Variants in SCYL2 observed in about 807,000 individuals in gnomAD.
SCYL2 encodes SCY1-like protein 2.
A neutral mutation model predicts 100.4 loss-of-function variants in SCYL2; 36 were observed. The ratio of observed to expected loss-of-function variants is 0.36; its 90% confidence interval spans 0.27 to 0.47. The LOEUF (loss-of-function observed/expected upper bound fraction) is 0.47, where lower values mean the gene tolerates loss of function less well. Among genes scored for constraint, SCYL2 ranks in the 20% least tolerant of loss-of-function variants. The pLI is 1.00. For missense variants in SCYL2, 902 were observed against 1,083.9 expected (o/e 0.83, Z 2.36); for synonymous variants, 330 against 359.2 (o/e 0.92, Z 0.92).
chr12:100,317,054 C>G (rs1364363524), intron 9 of SCYL2, among the ~76,000 whole-genome samples: 1 of 151,832 alleles, frequency 6.6e-6, no homozygotes, highest in African/African-American at 2.4e-5. Flanking sequence ...TATGATCGCG[C>G]CACTGCGCTC....
intron 17 of SCYL2, among the ~76,000 whole-genome samples, chr12:100,338,210 T>C (rs1952304187): frequency 6.6e-6 from 1 of 152,214 alleles, no homozygotes; most frequent in South Asian, 2.1e-4. Context: ...ATACAAATAA[T>C]AGTAAAAAAT....
At chr12:100,333,159 A>G (rs957384483) in intron 13 of SCYL2, among the ~76,000 whole-genome samples, 1 of 152,110 alleles carries the variant, frequency 6.6e-6, no homozygotes, top group Non-Finnish European at 1.5e-5. Context: ...AGGAACCCTA[A>G]TCAGTGGAAA....
chr12:100,270,960 C>T (rs1046105056), intron 1 of SCYL2, among the ~76,000 whole-genome samples: 3 of 151,494 alleles, frequency 2.0e-5, no homozygotes, highest in Non-Finnish European at 2.9e-5. Context: ...TTTTTATGTT[C>T]GTTTTTAAAA....
chr12:100,274,850 T>C (rs953080704), intron 1 of SCYL2, among the ~76,000 whole-genome samples: 1 of 152,240 alleles, frequency 6.6e-6, no homozygotes, highest in Non-Finnish European at 1.5e-5. Context: ...GTTTGTGCCA[T>C]AGACCCTTTT....
intron 3 of SCYL2, among the ~76,000 whole-genome samples, chr12:100,296,339 A>T (rs1285340915): frequency 6.6e-6 from 1 of 152,228 alleles, no homozygotes; most frequent in African/African-American, 2.4e-5. Flanking sequence ...AATTCAGATG[A>T]CAGTCCAGAG....
chr12:100,308,778 G>A (rs1416172222), intron 4 of SCYL2, among the ~76,000 whole-genome samples: 1 of 152,144 alleles, frequency 6.6e-6, no homozygotes, highest in Non-Finnish European at 1.5e-5. Context: ...TGACCTCTGT[G>A]ATGGGTGATT....
In SCYL2 at chr12:100,339,360, A is replaced by G; in HGVS notation, c.*188A>G. The G allele has an allele frequency of 5.1e-6, 3 of 583,548 alleles. No homozygotes were observed. The Admixed American group carries it at 1.1e-4, about 21-fold the overall frequency. 36.1% of individuals were successfully genotyped at this position (583,548 alleles called of 1,614,324 possible). On this transcript the variant is annotated 3_prime_UTR_variant, in exon 18 of 18. Transcript: ENST00000360820. ...TCTAACCAGTTGAGTTTTTTAAAGCATTGAGGATTTTTTCCTCTTACCAAC... is the reference window on the plus strand; with the variant it reads ...TCTAACCAGTTGAGTTTTTTAAAGCGTTGAGGATTTTTTCCTCTTACCAAC...
Position 100,338,645 on chromosome 12 carries a change from G to A in SCYL2, c.2263G>A (p.Gly755Ser). 1 of 1,613,850 alleles carries A rather than the reference G, an allele frequency of 6.2e-7. No individual in the cohort carries two copies. Among genetic ancestry groups the A allele is most frequent in the South Asian group, 1.1e-5 (1 of 91,074 alleles). The change falls in exon 18 of 18, where the codon GGT becomes AGT. Residue 755 changes from glycine to serine, a missense_variant. By Grantham distance (56) the Gly-to-Ser change is moderately conservative. Transcript: ENST00000360820. ...TFTSVPSMGI[G>S]MMFSTPTDNT... ...CACTTCTGTTCCTTCCATGGGCATTGGTATGATGTTTTCTACACCAACTGA... is the reference window on the plus strand; with the variant it reads ...CACTTCTGTTCCTTCCATGGGCATTAGTATGATGTTTTCTACACCAACTGA...
At position 100,317,942 on chromosome 12, in the gene SCYL2, G is replaced by A; in HGVS notation, c.1395+17G>A. ...CAGATCCAGGTACAGTATCTGATTT[G>A]TTTTTCTTTAATGATGATTTTGATT... On this transcript the variant is annotated intron_variant, in intron 10 of 17. Coordinates refer to ENST00000360820, the MANE Select transcript of SCYL2 (RefSeq NM_017988.6). 6.5e-7 allele frequency: 1 copy of A among 1,527,906 alleles called. No homozygotes were observed. Among genetic ancestry groups the A allele is most frequent in the Non-Finnish European group, 8.7e-7 (1 of 1,145,750 alleles). The allele number at this position is 1,527,906 out of a possible 1,614,324, so 94.6% of individuals were successfully genotyped here.
At position 100,267,639 on chromosome 12, in the gene SCYL2, G is replaced by T. The variant is rs947191956; in HGVS notation, c.-182G>T. Reference sequence around the variant, plus strand: ...AGCTCCGGGGAGCGGATCCGAGAGGGCCGAGTCCTCGAAAGAGGCCTTGAG... The same window carrying T: ...AGCTCCGGGGAGCGGATCCGAGAGGTCCGAGTCCTCGAAAGAGGCCTTGAG... On this transcript the variant is annotated 5_prime_UTR_variant, in exon 1 of 18. Coordinates refer to ENST00000360820, the MANE Select transcript of SCYL2 (RefSeq NM_017988.6). The T allele has an allele frequency of 6.6e-6, 1 of 152,332 alleles. No homozygotes were observed. The highest frequency in any genetic ancestry group is 1.9e-4 in the East Asian group (1 of 5,176). The allele number at this position is 152,332 out of a possible 1,614,324, so 9.4% of individuals were successfully genotyped here.
intron 1 of SCYL2, among the ~76,000 whole-genome samples, chr12:100,279,097 T>C (rs1210949541): frequency 1.3e-5 from 2 of 152,236 alleles, no homozygotes; most frequent in East Asian, 1.9e-4. Flanking sequence ...GAGCTTTGTA[T>C]AGCAGCAGTC....
rs2135905451 is a variant in SCYL2, at chr12:100,314,540, T to G, written c.1021T>G (p.Leu341Val). The change falls in exon 8 of 18, where the codon TTA (leucine) becomes GTA (valine). Residue 341 changes from leucine (L) to valine (V), a missense_variant. Physicochemically the swap from Leu to Val is conservative, Grantham distance 32. Transcript: ENST00000360820. ...AGTAACACTGCAATATTTTGATACC[T>G]TATTCCAAAGAGATAATCTTCAGAA... ...GAVTLQYFDTLFQRDNLQKSQ... is the reference protein window; with the variant it reads ...GAVTLQYFDTVFQRDNLQKSQ... 3 of 1,597,594 alleles carry G rather than the reference T, an allele frequency of 1.9e-6. No homozygotes were observed. The highest frequency in any genetic ancestry group is 1.8e-5 in the Admixed American group (1 of 56,676).
intron 3 of SCYL2, among the ~76,000 whole-genome samples, chr12:100,295,959 G>A (rs1669714047): frequency 6.6e-6 from 1 of 152,200 alleles, no homozygotes; most frequent in African/African-American, 2.4e-5. Context: ...CCAGGCCAGG[G>A]CCGACACCTG....
chr12:100,291,615 G>A lies in SCYL2; in HGVS notation c.290G>A (p.Arg97Gln). The A allele has an allele frequency of 6.3e-7, 1 of 1,598,832 alleles. No homozygotes were observed. Among genetic ancestry groups the A allele is most frequent in the South Asian group, 1.2e-5 (1 of 85,672 alleles). Residue 97 changes from arginine to glutamine, a missense_variant, in exon 3 of 18, where the codon CGA becomes CAA. Transcript: ENST00000360820. ...GGAGTCCAACAGTTAACTCGGCTTC[G>A]ACACCCTCGACTTCTTACTGTCCAG... is the stretch of plus-strand genomic sequence containing the variant. ...KRGVQQLTRL[R>Q]HPRLLTVQHP...
intron 4 of SCYL2, among the ~76,000 whole-genome samples, chr12:100,300,242 TA>T (rs1475979453): frequency 6.6e-6 from 1 of 152,252 alleles, no homozygotes; most frequent in Non-Finnish European, 1.5e-5. Context: ...ACACAGTACA[TA>T]ATTTGCATAA....
At chr12:100,278,722 C>T (rs1051208216) in intron 1 of SCYL2, among the ~76,000 whole-genome samples, 5 of 150,450 alleles carry the variant, frequency 3.3e-5, no homozygotes, top group Non-Finnish European at 7.4e-5. Context: ...CTTCACCTCC[C>T]GGGTTCAAGC....
At chr12:100,312,064 T>C (rs1343165607) in intron 5 of SCYL2, among the ~76,000 whole-genome samples, 1 of 152,226 alleles carries the variant, frequency 6.6e-6, no homozygotes, top group Non-Finnish European at 1.5e-5. Flanking sequence ...TTTTGAACTT[T>C]TTAACTAAAT....
Position 100,326,992 on chromosome 12 carries a change from G to A in SCYL2, c.1642+238G>A, listed in dbSNP as rs544835404. ...TTTACGAATATCATGATAGCATGTAGTTTTCCCCATAAAATGGTACAAAGT... is the reference window on the plus strand; with the variant it reads ...TTTACGAATATCATGATAGCATGTAATTTTCCCCATAAAATGGTACAAAGT... On this transcript the variant is annotated intron_variant, in intron 12 of 17. Coordinates refer to ENST00000360820, the MANE Select transcript of SCYL2 (RefSeq NM_017988.6). Among the ~76,000 whole-genome samples the A allele has an allele frequency of 6.4e-4, 98 of 152,272 alleles. 1 individual carries two copies. Among genetic ancestry groups the A allele is most frequent in the Non-Finnish European group, 1.3e-3 (86 of 67,994 alleles).
At chr12:100,317,012 C>T (rs1490602121) in intron 9 of SCYL2, among the ~76,000 whole-genome samples, 1 of 151,872 alleles carries the variant, frequency 6.6e-6, no homozygotes, top group Non-Finnish European at 1.5e-5. Flanking sequence ...GGAGGATCAC[C>T]TGAGCCCTGG....
Sources: allele counts gnomAD v4.1 joint callset (sites outside exome capture counted in the v4.1 genomes callset), GRCh38; gene constraint gnomAD v4.1.1; transcripts MANE v1.5; gene names NCBI Gene and HGNC (gene_info 2026-07-23, HGNC 2026-07-21).